ZNF423: variants seen among roughly 807,000 people sequenced by gnomAD.
The protein encoded by ZNF423 is zinc finger protein 423, also known as Ebf-associated zinc finger protein.
ZNF423 carries 12 observed loss-of-function variants against 95.8 expected under a neutral mutation model. The observed-to-expected ratio is 0.13, with a 90% confidence interval of 0.08 to 0.20. ZNF423 has a LOEUF of 0.20. Ranked by LOEUF, ZNF423 falls within the 10% of genes least tolerant of loss-of-function variation. ZNF423 has a pLI of 1.00. For synonymous variants in ZNF423, 749 were observed against 711.9 expected, an observed-to-expected ratio of 1.05 and a Z score of -0.83; for missense variants, 1,316 against 1,737.1, an observed-to-expected ratio of 0.76 and a Z score of 4.31.
chr16:49,812,556 G>A (rs2034770320), intron 1 of ZNF423, among the ~76,000 whole-genome samples: 1 of 152,120 alleles, frequency 6.6e-6, no homozygotes. Context: ...AGCCAGGTGT[G>A]GTGGCATGCG....
At chr16:49,685,209 C>T (rs1257640468) in intron 3 of ZNF423, among the ~76,000 whole-genome samples, 1 of 152,184 alleles carries the variant, frequency 6.6e-6, no homozygotes, top group Non-Finnish European at 1.5e-5. Flanking sequence ...CAGCCCAGGG[C>T]AGAATCTTCC....
chr16:49,657,517 C>T (rs1229153056), intron 3 of ZNF423, among the ~76,000 whole-genome samples: 2 of 152,234 alleles, frequency 1.3e-5, no homozygotes, highest in African/African-American at 2.4e-5. Context: ...AGGTGTCTGC[C>T]TGTCTCAAGT....
intron 7 of ZNF423, among the ~76,000 whole-genome samples, chr16:49,520,290 C>G (rs1480911679): frequency 7.9e-5 from 12 of 152,220 alleles, no homozygotes; most frequent in Non-Finnish European, 5.9e-5. Context: ...GAATTTGCAA[C>G]AGTTTGTCTA....
intron 5 of ZNF423, among the ~76,000 whole-genome samples, chr16:49,526,306 G>A (rs1487784263): frequency 6.6e-6 from 1 of 152,214 alleles, no homozygotes; most frequent in Non-Finnish European, 1.5e-5. Flanking sequence ...GGTCTATGCA[G>A]TGGATGATGG....
At chr16:49,805,099 T>TATGCTGGCCAGAC (rs1044398501) in intron 1 of ZNF423, among the ~76,000 whole-genome samples, 2 of 151,882 alleles carry the variant, frequency 1.3e-5, no homozygotes, top group Non-Finnish European at 2.9e-5. Context: ...GGGGTTTCAC[T>TATGCTGGCCAGAC]ATGCTGGCCA....
At chr16:49,834,755 C>T (rs1420170970) in intron 1 of ZNF423, among the ~76,000 whole-genome samples, 1 of 152,118 alleles carries the variant, frequency 6.6e-6, no homozygotes. Flanking sequence ...GCCGGCTCAG[C>T]CTGCAGGCTC....
intron 3 of ZNF423, among the ~76,000 whole-genome samples, chr16:49,707,789 G>A (rs893824355): frequency 1.3e-5 from 2 of 151,738 alleles, no homozygotes; most frequent in African/African-American, 4.8e-5. Context: ...TTGCAGATTT[G>A]CAGATCTTAT....
chr16:49,667,029 G>A (rs1463059355), intron 3 of ZNF423, among the ~76,000 whole-genome samples: 2 of 152,214 alleles, frequency 1.3e-5, no homozygotes, highest in Admixed American at 1.3e-4. Context: ...TGGCCAGTCT[G>A]CAGCTCTGCC....
chr16:49,776,067 G>A (rs2034114253), intron 2 of ZNF423, among the ~76,000 whole-genome samples: 1 of 152,266 alleles, frequency 6.6e-6, no homozygotes, highest in South Asian at 2.1e-4. Flanking sequence ...GCCATTTAGG[G>A]AGAGGAGATG....
intron 5 of ZNF423, among the ~76,000 whole-genome samples, chr16:49,583,563 A>C (rs1047015983): frequency 6.6e-6 from 1 of 152,244 alleles, no homozygotes; most frequent in Non-Finnish European, 1.5e-5. Flanking sequence ...AGTACTAATG[A>C]CTATGCATAT....
At chr16:49,621,806 C>T (rs1005701655) in intron 5 of ZNF423, among the ~76,000 whole-genome samples, 1 of 152,174 alleles carries the variant, frequency 6.6e-6, no homozygotes, top group African/African-American at 2.4e-5. Context: ...CTCACCATTT[C>T]CCCAGCAGCC....
At chr16:49,506,197 A>G (rs1967628770) in intron 7 of ZNF423, among the ~76,000 whole-genome samples, 1 of 152,232 alleles carries the variant, frequency 6.6e-6, no homozygotes, top group South Asian at 2.1e-4. Flanking sequence ...CTCACACTCA[A>G]TACTGGAGGG....
intron 3 of ZNF423, among the ~76,000 whole-genome samples, chr16:49,682,374 C>G (rs1023229250): frequency 6.6e-6 from 1 of 152,200 alleles, no homozygotes; most frequent in African/African-American, 2.4e-5. Flanking sequence ...CCCACCCCTC[C>G]TGCTCAGGAA....
upstream of ZNF423, among the ~76,000 whole-genome samples, chr16:49,856,917 A>AGGCGGCGGC (rs71138012): frequency 6.9e-6 from 1 of 144,898 alleles, no homozygotes; most frequent in African/African-American, 2.5e-5. Flanking sequence ...GAGGACGAGC[A>AGGCGGCGGC]GGCGGCGGCG....
chr16:49,856,472 A>G (rs2035372020), upstream of ZNF423, among the ~76,000 whole-genome samples: 1 of 150,184 alleles, frequency 6.7e-6, no homozygotes, highest in African/African-American at 2.4e-5. Flanking sequence ...TGCCGCACAA[A>G]AAAAAATAAT....
intron 3 of ZNF423, among the ~76,000 whole-genome samples, chr16:49,717,365 C>A (rs2032738857): frequency 6.6e-6 from 1 of 152,260 alleles, no homozygotes; most frequent in Non-Finnish European, 1.5e-5. Flanking sequence ...GCCTACCCCT[C>A]AGTTCAGGAG....
At chr16:49,703,881 A>G (rs964296106) in intron 3 of ZNF423, among the ~76,000 whole-genome samples, 3 of 151,322 alleles carry the variant, frequency 2.0e-5, no homozygotes, top group Non-Finnish European at 3.0e-5. Context: ...TGCCCAGCCC[A>G]GTGCCCGGCA....
chr16:49,743,674 C>A (rs898653310), intron 2 of ZNF423, among the ~76,000 whole-genome samples: 1 of 151,994 alleles, frequency 6.6e-6, no homozygotes, highest in Non-Finnish European at 1.5e-5. Flanking sequence ...TCCCCAGACC[C>A]GGCTCTAGGG....
intron 2 of ZNF423, among the ~76,000 whole-genome samples, chr16:49,764,939 A>T (rs4363861): frequency 0.52 from 74,558 of 142,050 alleles, 19,083 homozygotes; most frequent in African/African-American, 0.6. Flanking sequence ...TTGTATTTTT[A>T]GTAGAGACGC....
Sources: gnomAD v4.1 joint callset for allele counts (sites outside exome capture counted in the v4.1 genomes callset) on GRCh38, gnomAD v4.1.1 for gene constraint, MANE v1.5 for transcripts, NCBI Gene and HGNC (gene_info 2026-07-23, HGNC 2026-07-21) for gene names.